The following HTR2C variants were observed in gnomAD, a reference collection of about 807,000 sequenced individuals.
HTR2C encodes the protein 5-hydroxytryptamine receptor 2C, also known as 5-hydroxytryptamine (serotonin) receptor 2C, G protein-coupled.
In HTR2C, 5 loss-of-function variants were observed where a neutral mutation model predicts 21.0. That is an observed-to-expected ratio of 0.24 (90% CI 0.12 to 0.50). The LOEUF (loss-of-function observed/expected upper bound fraction) is 0.50, where lower values mean the gene tolerates loss of function less well. Among genes scored for constraint, HTR2C ranks in the 20% least tolerant of loss-of-function variants. HTR2C has a pLI of 0.98. For synonymous variants in HTR2C, 150 were observed against 145.3 expected (o/e 1.03, Z -0.23); for missense variants, 271 against 371.2 (o/e 0.73, Z 2.22).
intron 4 of HTR2C, among the ~76,000 whole-genome samples, chrX:114,801,813 G>T (rs1556446890): frequency 9.0e-6 from 1 of 110,552 alleles, no homozygotes; most frequent in East Asian, 2.8e-4. Context: ...CTTTCTTTGT[G>T]ATACAATCTA....
At chrX:114,845,748 G>A (rs991562790) in intron 4 of HTR2C, among the ~76,000 whole-genome samples, 2 of 109,727 alleles carry the variant, frequency 1.8e-5, no homozygotes, top group East Asian at 5.8e-4. Flanking sequence ...GGTATCTCAT[G>A]CCTGTAATCC....
intron 4 of HTR2C, among the ~76,000 whole-genome samples, chrX:114,787,202 A>C (rs2070184140): frequency 8.9e-6 from 1 of 112,058 alleles, no homozygotes; most frequent in South Asian, 3.7e-4. Context: ...CTGGTTCCCC[A>C]GAGGACTATA....
At position 114,906,656 on chromosome X, in the gene HTR2C, G is replaced by A. The variant is rs782231891; in HGVS notation, c.618G>A (p.Thr206=). 3 of 1,211,158 alleles carry A rather than the reference G, an allele frequency of 2.5e-6. No individual in the cohort carries two copies. The highest frequency in any genetic ancestry group is 3.4e-6 in the Non-Finnish European group (3 of 895,092). The stretch of plus-strand genomic sequence containing the variant: ...AAAAGGTGTTCGTGAACAACACGAC[G>A]TGCGTGCTCAACGACCCAAATTTCG... ...DEEKVFVNNT[T]CVLNDPNFVL... The change falls in exon 6 of 6, where the codon ACG becomes ACA. Residue 206 remains threonine (T), a synonymous_variant. Coordinates refer to ENST00000276198, the MANE Select transcript of HTR2C (RefSeq NM_000868.4).
chrX:114,600,324 C>T (rs1490774875), intron 1 of HTR2C, among the ~76,000 whole-genome samples: 9 of 112,254 alleles, frequency 8.0e-5, no homozygotes, highest in Non-Finnish European at 5.6e-5. Flanking sequence ...TGCACAACAA[C>T]ATGCTCTCAG....
At chrX:114,879,254 C>T (rs1382155923) in intron 5 of HTR2C, among the ~76,000 whole-genome samples, 1 of 46,271 alleles carries the variant, frequency 2.2e-5, no homozygotes, top group Admixed American at 3.9e-4. Flanking sequence ...TAATAATATT[C>T]ATATTATTAA....
intron 1 of HTR2C, among the ~76,000 whole-genome samples, chrX:114,610,928 T>C (rs782629327): frequency 9.0e-6 from 1 of 111,577 alleles, no homozygotes; most frequent in Non-Finnish European, 1.9e-5. Flanking sequence ...TTGACTTCAC[T>C]CAAAGTACTT....
chrX:114,591,202 G>A (rs1411582189), intron 1 of HTR2C, among the ~76,000 whole-genome samples: 1 of 111,111 alleles, frequency 9.0e-6, no homozygotes, highest in African/African-American at 3.3e-5. Context: ...GTATCTTTTA[G>A]TTTTAAATGT....
At chrX:114,882,723 A>G (rs2071191339) in intron 5 of HTR2C, among the ~76,000 whole-genome samples, 1 of 110,231 alleles carries the variant, frequency 9.1e-6, no homozygotes, top group Non-Finnish European at 1.9e-5. Context: ...ATGTTGCTGG[A>G]TTCAGTGTAC....
intron 1 of HTR2C, among the ~76,000 whole-genome samples, chrX:114,587,141 G>A (rs1362986932): frequency 9.0e-6 from 1 of 111,696 alleles, no homozygotes; most frequent in Non-Finnish European, 1.9e-5. Context: ...AACAAAATTT[G>A]GGGGAGAGAT....
intron 4 of HTR2C, among the ~76,000 whole-genome samples, chrX:114,825,073 G>A (rs916593518): frequency 1.8e-5 from 2 of 111,586 alleles, no homozygotes; most frequent in Admixed American, 1.9e-4. Flanking sequence ...CCAATAAAGT[G>A]CAGCATTTTA....
intron 1 of HTR2C, among the ~76,000 whole-genome samples, chrX:114,586,470 C>T (rs1242943622): frequency 1.8e-5 from 2 of 111,980 alleles, no homozygotes; most frequent in African/African-American, 6.5e-5. Flanking sequence ...TAGCGTCTAT[C>T]ATCTACAGCA....
At chrX:114,800,437 G>T (rs2070334350) in intron 4 of HTR2C, among the ~76,000 whole-genome samples, 1 of 111,065 alleles carries the variant, frequency 9.0e-6, no homozygotes, top group Non-Finnish European at 1.9e-5. Flanking sequence ...ATTTTCTCAA[G>T]CCTTCTCAAA....
chrX:114,694,058 C>T (rs1556415449), intron 2 of HTR2C, among the ~76,000 whole-genome samples: 1 of 111,232 alleles, frequency 9.0e-6, no homozygotes, highest in African/African-American at 3.3e-5. Context: ...CTATGTTTTT[C>T]CTGACAGTTT....
chrX:114,871,543 T>C (rs782681204), intron 5 of HTR2C, among the ~76,000 whole-genome samples: 70 of 111,338 alleles, frequency 6.3e-4, no homozygotes, highest in Middle Eastern at 9.4e-3. Context: ...ACTCTTATTG[T>C]ACTTGGGCCT....
chrX:114,599,384 G>A (rs1313933862), intron 1 of HTR2C, among the ~76,000 whole-genome samples: 1 of 111,852 alleles, frequency 8.9e-6, no homozygotes, highest in East Asian at 2.8e-4. Flanking sequence ...ATTTATTTGA[G>A]CAATCGAAGT....
intron 2 of HTR2C, among the ~76,000 whole-genome samples, chrX:114,637,776 A>G (rs1192249827): frequency 3.6e-5 from 4 of 111,495 alleles, no homozygotes; most frequent in Non-Finnish European, 7.5e-5. Flanking sequence ...AGAGTGAGTA[A>G]CCAGTCTTAG....
At chrX:114,893,167 A>T (rs143950806) in intron 5 of HTR2C, among the ~76,000 whole-genome samples, 3,860 of 110,265 alleles carry the variant, frequency 0.035, 175 homozygotes, top group African/African-American at 0.12. Context: ...CACCCGCCTC[A>T]GCCTCCCAAC....
intron 4 of HTR2C, among the ~76,000 whole-genome samples, chrX:114,760,618 G>A (rs1556432024): frequency 9.0e-6 from 1 of 111,556 alleles, no homozygotes; most frequent in African/African-American, 3.3e-5. Flanking sequence ...CTGGGCTCAG[G>A]CTATCCTCCT....
intron 4 of HTR2C, among the ~76,000 whole-genome samples, chrX:114,790,021 G>A (rs188889631): frequency 8.9e-6 from 1 of 112,197 alleles, no homozygotes; most frequent in East Asian, 2.8e-4. Flanking sequence ...TGCTGAGTTA[G>A]GTTTGCACTT....
Sources: gnomAD v4.1 joint callset for allele counts (sites outside exome capture counted in the v4.1 genomes callset) on GRCh38, gnomAD v4.1.1 for gene constraint, MANE v1.5 for transcripts, NCBI Gene and HGNC (gene_info 2026-07-23, HGNC 2026-07-21) for gene names.